FNTA: variants seen among roughly 807,000 people sequenced by gnomAD.
FNTA encodes the protein farnesyltransferase, CAAX box, subunit alpha, also known as protein farnesyltransferase/geranylgeranyltransferase type-1 subunit alpha.
A neutral mutation model predicts 55.2 loss-of-function variants in FNTA; 27 were observed. That is an observed-to-expected ratio of 0.49 (90% CI 0.36 to 0.67). The LOEUF is 0.67. Among genes scored for constraint, FNTA ranks in the 30% least tolerant of loss-of-function variants. FNTA has a pLI of 0.00. For missense variants in FNTA, 422 were observed against 464.7 expected (o/e 0.91, Z 0.85); for synonymous variants, 176 against 170.7 (o/e 1.03, Z -0.24).
At chr8:43,076,931 C>A in intron 5 of FNTA, 1 of 244,830 alleles carries the variant, frequency 4.1e-6, no homozygotes, top group Non-Finnish European at 7.8e-6. Flanking sequence ...TATATCTATA[C>A]TGTGGTCACT....
chr8:43,062,676 TC>T (rs1436697409), intron 2 of FNTA, among the ~76,000 whole-genome samples: 2 of 152,240 alleles, frequency 1.3e-5, no homozygotes, highest in African/African-American at 4.8e-5. Flanking sequence ...TCTGATACTT[TC>T]AGTGTTACAG....
intron 7 of FNTA, 106 bp downstream of exon 7, chr8:43,083,286 T>G: frequency 5.9e-6 from 4 of 676,478 alleles, no homozygotes; most frequent in Non-Finnish European, 9.8e-6. Flanking sequence ...TAAATAATTT[T>G]TCATTTTTCT....
At position 43,085,222 on chromosome 8, in the gene FNTA, A is replaced by G; in HGVS notation, c.1080A>G (p.Gly360=). The change falls in exon 9 of 9, where the codon GGA becomes GGG. Residue 360 remains glycine, a synonymous_variant. Transcript: ENST00000302279. Reference sequence around the variant, plus strand: ...GAAAGGAATATTGGAGATACATTGGAAGATCCCTTCAAAGCAAACACAGCA... The same window carrying G: ...GAAAGGAATATTGGAGATACATTGGGAGATCCCTTCAAAGCAAACACAGCA... ...TIRKEYWRYI[G]RSLQSKHSTE... is the part of the protein sequence containing the mutation. 4 of 1,604,572 alleles carry G rather than the reference A, an allele frequency of 2.5e-6. No homozygotes were observed. The highest frequency in any genetic ancestry group is 3.4e-6 in the Non-Finnish European group (4 of 1,174,372).
At chr8:43,069,957 A>G (rs1166259997) in intron 4 of FNTA, 1 of 212,580 alleles carries the variant, frequency 4.7e-6, no homozygotes, top group African/African-American at 2.3e-5. Context: ...AATTTTATTT[A>G]AAAACTACCA....
chr8:43,059,017 T>C, intron 1 of FNTA, 75 bp from the exon 2 acceptor site: 1 of 1,068,774 alleles, frequency 9.4e-7, no homozygotes, highest in Non-Finnish European at 1.4e-6. Context: ...GTAATTATTG[T>C]CATTTTAAAA....
chr8:43,060,401 G>A (rs567213171), intron 2 of FNTA, among the ~76,000 whole-genome samples: 1 of 152,234 alleles, frequency 6.6e-6, no homozygotes, highest in African/African-American at 2.4e-5. Flanking sequence ...TGGGCCAGGC[G>A]CGGTGGCTCA....
At chr8:43,069,904 A>G (rs1378505746) in intron 4 of FNTA, among the ~76,000 whole-genome samples, 1 of 151,302 alleles carries the variant, frequency 6.6e-6, no homozygotes, top group African/African-American at 2.4e-5. Context: ...TCAGCCTCCC[A>G]AAGTGCAGGG....
intron 5 of FNTA, among the ~76,000 whole-genome samples, chr8:43,074,571 T>C (rs1810867147): frequency 6.8e-6 from 1 of 147,996 alleles, no homozygotes; most frequent in Non-Finnish European, 1.5e-5. Context: ...ACACACACAC[T>C]ACTACTCACC....
chr8:43,084,539 CT>C (rs1811088326), intron 7 of FNTA, 170 bp from the exon 8 acceptor site: 1 of 552,082 alleles, frequency 1.8e-6, no homozygotes, highest in African/African-American at 1.9e-5. Context: ...AACTAATGAT[CT>C]ATGATAAGAC....
intron 2 of FNTA, 31 bp downstream of exon 2, chr8:43,059,208 TA>T: frequency 6.8e-7 from 1 of 1,461,738 alleles, no homozygotes; most frequent in Middle Eastern, 2.0e-4. Flanking sequence ...AAAAGGTCTG[TA>T]AGTTAAATAT....
At chr8:43,071,233 G>A (rs1364494698) in intron 4 of FNTA, among the ~76,000 whole-genome samples, 1 of 152,014 alleles carries the variant, frequency 6.6e-6, no homozygotes, top group Non-Finnish European at 1.5e-5. Flanking sequence ...ATAATTCAGT[G>A]TTTTTTAGTA....
In FNTA at chr8:43,071,046, G is replaced by A. The variant is rs370831350; in HGVS notation, c.507-1135G>A. Among the ~76,000 whole-genome samples the A allele has an allele frequency of 7.2e-5, 11 of 152,250 alleles. No homozygotes were observed. In the East Asian group the frequency reaches 1.2e-3, roughly 16 times the overall value. On this transcript the variant is annotated intron_variant, in intron 4 of 8. Transcript: ENST00000302279. ...AGTATCTTGTCTTAATCTGTAAGAC[G>A]AATTTTTTAATTTTCCAGGCATGTA... is the stretch of plus-strand genomic sequence containing the variant.
chr8:43,070,120 G>T, intron 4 of FNTA: 1 of 150,510 alleles, frequency 6.6e-6, no homozygotes, highest in Non-Finnish European at 1.5e-5. Context: ...CGGGTGTGGT[G>T]GCGTGCCTGT....
At chr8:43,073,529 C>T (rs781522473) in intron 5 of FNTA, 29 of 152,126 alleles carry the variant, frequency 1.9e-4, no homozygotes, top group Non-Finnish European at 4.0e-4. Flanking sequence ...ATTCATTGCA[C>T]TCTGGATGTG....
intron 1 of FNTA, chr8:43,057,320 G>A (rs1038464486): frequency 6.6e-6 from 1 of 152,112 alleles, no homozygotes; most frequent in Non-Finnish European, 1.5e-5. Flanking sequence ...AAATCCATTC[G>A]ATGGCTTGTT....
intron 5 of FNTA, among the ~76,000 whole-genome samples, chr8:43,072,905 TTAAC>T (rs913753246): frequency 2.0e-5 from 3 of 152,218 alleles, no homozygotes; most frequent in African/African-American, 7.2e-5. Context: ...ATGTATTATT[TTAAC>T]TAACAAAGGC....
chr8:43,059,141 C>T lies in FNTA; in HGVS notation c.250C>T (p.Pro84Ser). 6.2e-7 allele frequency: 1 copy of T among 1,613,430 alleles called. No individual in the cohort carries two copies. The highest frequency in any genetic ancestry group is 8.5e-7 in the Non-Finnish European group (1 of 1,179,816). The change falls in exon 2 of 9, where the codon CCC becomes TCC. Residue 84 changes from proline (P) to serine (S), a missense_variant. This residue lies in a region of FNTA where 160 missense variants were observed against 121.6 expected (regional missense o/e 1.32). Transcript: ENST00000302279. Reference protein sequence around the residue: ...DIDPVPQNDGPNPVVQIIYSD... With the variant: ...DIDPVPQNDGSNPVVQIIYSD... ...AGATCCGGTGCCGCAGAATGATGGC[C>T]CCAATCCCGTGGTCCAGATCATTTA...
At chr8:43,075,868 T>A (rs1810897984) in intron 5 of FNTA, among the ~76,000 whole-genome samples, 1 of 149,932 alleles carries the variant, frequency 6.7e-6, no homozygotes, top group South Asian at 2.1e-4. Context: ...ATTTCTTTTC[T>A]TTTTCTTTTT....
rs576250112 is a variant in FNTA at position 43,066,402 on chromosome 8, G to T, written c.401+2187G>T. ...CTCCCGAGTAGCTGGGACTACGGACGCCTGCCACCACTCCCAGCTAATTTT... is the reference window on the plus strand; with the variant it reads ...CTCCCGAGTAGCTGGGACTACGGACTCCTGCCACCACTCCCAGCTAATTTT... On this transcript the variant is annotated intron_variant, in intron 3 of 8. Transcript: ENST00000302279. Among the ~76,000 whole-genome samples the T allele has an allele frequency of 1.4e-4, 21 of 150,148 alleles. 1 individual carries two copies. In the Middle Eastern group the frequency reaches 0.01, roughly 73 times the overall value.
Sources: gnomAD v4.1 joint callset for allele counts (sites outside exome capture counted in the v4.1 genomes callset) on GRCh38, gnomAD v4.1.1 for gene constraint, gnomAD v4.1.1 regional missense constraint, MANE v1.5 for transcripts, NCBI Gene and HGNC (gene_info 2026-07-23, HGNC 2026-07-21) for gene names.